The following BBX variants were observed in gnomAD, a reference collection of about 807,000 sequenced individuals.
The protein encoded by BBX is BBX high mobility group box domain containing, also known as HMG box transcription factor BBX.
In BBX, 30 loss-of-function variants were observed where a neutral mutation model predicts 100.2. The observed-to-expected ratio is 0.30, with a 90% CI of 0.22 to 0.41. The LOEUF (loss-of-function observed/expected upper bound fraction) is 0.41, where lower values mean the gene tolerates loss of function less well. BBX is among the 10% of genes least tolerant of loss of function. BBX has a pLI of 1.00. For synonymous variants in BBX, 376 were observed against 388.1 expected (o/e 0.97, Z 0.37); for missense variants, 1,023 against 1,129.8 (o/e 0.91, Z 1.35).
intron 1 of BBX, chr3:107,525,557 T>G (rs1056077725): frequency 5.9e-5 from 9 of 152,478 alleles, no homozygotes; most frequent in Admixed American, 6.5e-5. Context: ...TCCCTTTCTC[T>G]TTCTCCCACT....
intron 2 of BBX, among the ~76,000 whole-genome samples, chr3:107,581,666 C>G (rs903063887): frequency 6.6e-6 from 1 of 152,050 alleles, no homozygotes; most frequent in Non-Finnish European, 1.5e-5. Context: ...GCTTCATACT[C>G]CGTCGTTAGT....
chr3:107,755,743 G>A, intron 10 of BBX, 65 bp downstream of exon 10: 1 of 1,361,006 alleles, frequency 7.3e-7, no homozygotes, highest in Non-Finnish European at 1.0e-6. Context: ...TATTCTAACA[G>A]TGTTTCCCTA....
chr3:107,605,874 T>C (rs2054398365), intron 2 of BBX, among the ~76,000 whole-genome samples: 1 of 152,182 alleles, frequency 6.6e-6, no homozygotes, highest in Non-Finnish European at 1.5e-5. Flanking sequence ...TCAGTACTAT[T>C]TTCTTGTCCC....
intron 2 of BBX, among the ~76,000 whole-genome samples, chr3:107,552,716 C>G (rs1464172207): frequency 1.3e-5 from 2 of 152,140 alleles, no homozygotes; most frequent in Non-Finnish European, 2.9e-5. Flanking sequence ...GGATTCATCC[C>G]CATTTTTCCT....
At chr3:107,762,657 T>C (rs1208779573) in intron 10 of BBX, among the ~76,000 whole-genome samples, 2 of 152,240 alleles carry the variant, frequency 1.3e-5, no homozygotes, top group East Asian at 3.8e-4. Flanking sequence ...TGTTTTGTAC[T>C]AAAAAGCAGA....
At chr3:107,778,063 C>A (rs565930824) in intron 12 of BBX, among the ~76,000 whole-genome samples, 1 of 152,052 alleles carries the variant, frequency 6.6e-6, no homozygotes, top group East Asian at 1.9e-4. Flanking sequence ...TTGTACTGAA[C>A]TTTATGAAAA....
At chr3:107,610,095 G>GA (rs2054731692) in intron 2 of BBX, among the ~76,000 whole-genome samples, 1 of 152,036 alleles carries the variant, frequency 6.6e-6, no homozygotes. Context: ...TTTGTTTCAA[G>GA]AAATTTTTCA....
At chr3:107,765,793 GC>G (rs1452021186) in intron 10 of BBX, among the ~76,000 whole-genome samples, 1 of 152,150 alleles carries the variant, frequency 6.6e-6, no homozygotes, top group African/African-American at 2.4e-5. Flanking sequence ...GATGGGAGAG[GC>G]CAAGGATTTG....
At chr3:107,582,820 T>C (rs1252481876) in intron 2 of BBX, among the ~76,000 whole-genome samples, 1 of 152,038 alleles carries the variant, frequency 6.6e-6, no homozygotes, top group Non-Finnish European at 1.5e-5. Context: ...CTTTGCTAAA[T>C]AGAATTTAAC....
At chr3:107,708,858 T>C (rs1449298565) in intron 3 of BBX, among the ~76,000 whole-genome samples, 4 of 152,170 alleles carry the variant, frequency 2.6e-5, no homozygotes, top group Admixed American at 2.6e-4. Context: ...AATCGACATA[T>C]ATTTACCTAC....
In BBX at chr3:107,681,714, A is replaced by G. The variant is rs554917773; in HGVS notation, c.-9-28738A>G. ...CCTTTGGACTCTGAAGATGCATATC[A>G]TATACTGAGAGAATAAAGTAGAATT... On this transcript the variant is annotated intron_variant, in intron 3 of 17. Transcript: ENST00000325805. Among the ~76,000 whole-genome samples the G allele has an allele frequency of 1.1e-4, 16 of 152,314 alleles. No individual in the cohort carries two copies. In the South Asian group the frequency reaches 1.9e-3, roughly 18 times the overall value.
chr3:107,668,712 C>T (rs2058874360), intron 3 of BBX, among the ~76,000 whole-genome samples: 1 of 152,208 alleles, frequency 6.6e-6, no homozygotes, highest in African/African-American at 2.4e-5. Context: ...TTCTTCTTCA[C>T]TCATTGGAGC....
chr3:107,779,827 A>G (rs1264588626), intron 13 of BBX, among the ~76,000 whole-genome samples: 1 of 152,108 alleles, frequency 6.6e-6, no homozygotes, highest in Non-Finnish European at 1.5e-5. Context: ...AACAGGGTCA[A>G]TTTGAGATCT....
chr3:107,695,925 G>C lies in BBX; in HGVS notation c.-9-14527G>C, dbSNP rs540061016. On this transcript the variant is annotated intron_variant, in intron 3 of 17. Transcript: ENST00000325805. ...TTTAGGATAGTTAGCTCTTCTTGTT[G>C]AATTGATCCGTTTACCATTAAGTAA... Among the ~76,000 whole-genome samples, 88 of 151,956 alleles carry C rather than the reference G, an allele frequency of 5.8e-4. 2 individuals carry two copies. Among genetic ancestry groups the C allele is most frequent in the African/African-American group, 2.0e-3 (84 of 41,216 alleles).
At chr3:107,718,319 A>G (rs1325669027) in intron 5 of BBX, among the ~76,000 whole-genome samples, 2 of 148,522 alleles carry the variant, frequency 1.3e-5, no homozygotes, top group Non-Finnish European at 3.0e-5. Context: ...TAATAATTAT[A>G]TAATTAATCA....
intron 2 of BBX, among the ~76,000 whole-genome samples, chr3:107,529,736 G>T (rs1455739511): frequency 2.6e-5 from 4 of 152,072 alleles, no homozygotes; most frequent in Non-Finnish European, 5.9e-5. Context: ...TTAGAAGGCA[G>T]TTATATTTCC....
chr3:107,585,244 G>A (rs556625190), intron 2 of BBX, among the ~76,000 whole-genome samples: 85 of 152,232 alleles, frequency 5.6e-4, no homozygotes, highest in African/African-American at 2.0e-3. Flanking sequence ...ATGGAGAAGG[G>A]TCAGAGCCAT....
At chr3:107,524,584 C>G (rs1576156433) in intron 1 of BBX, 1 of 109,348 alleles carries the variant, frequency 9.1e-6, no homozygotes, top group East Asian at 2.7e-4. Context: ...CGAAACGATG[C>G]AAAAAGCTAA....
rs1396397502 is a variant in BBX at position 107,698,150 on chromosome 3, C to G, written c.-9-12302C>G. Among the ~76,000 whole-genome samples the G allele has an allele frequency of 4.0e-5, 6 of 151,778 alleles. 1 individual carries two copies. Among genetic ancestry groups the G allele is most frequent in the African/African-American group, 1.5e-4 (6 of 41,090 alleles). On this transcript the variant is annotated intron_variant, in intron 3 of 17. Coordinates refer to ENST00000325805, the MANE Select transcript of BBX (RefSeq NM_001142568.3). ...CCTCAGATGGAAATGCAGAAATCAC[C>G]CGTCTTCTGGGTCGCTCACACTGGG...
Sources: gnomAD v4.1 joint callset for allele counts (sites outside exome capture counted in the v4.1 genomes callset) on GRCh38, gnomAD v4.1.1 for gene constraint, MANE v1.5 for transcripts, NCBI Gene and HGNC (gene_info 2026-07-23, HGNC 2026-07-21) for gene names.